Variants in EPM2A observed in about 807,000 individuals in gnomAD.
The protein encoded by EPM2A is EPM2A glucan phosphatase, laforin, also known as laforin.
In EPM2A, 21 loss-of-function variants were observed where a neutral mutation model predicts 26.5. That is an observed-to-expected ratio of 0.79 (90% CI 0.56 to 1.14). The LOEUF (loss-of-function observed/expected upper bound fraction) is 1.14. EPM2A is among the 50% of genes most tolerant of loss of function. The pLI is 0.00. For missense variants in EPM2A, 458 were observed against 440.8 expected, an observed-to-expected ratio of 1.04 and a Z score of -0.35; for synonymous variants, 217 against 177.6, an observed-to-expected ratio of 1.22 and a Z score of -1.76.
intron 2 of EPM2A, among the ~76,000 whole-genome samples, chr6:145,511,914 T>C (rs1247362798): frequency 1.3e-5 from 2 of 152,070 alleles, no homozygotes; most frequent in African/African-American, 4.8e-5. Context: ...TTCAGTAAAG[T>C]CTCAAGATAC....
intron 2 of EPM2A, among the ~76,000 whole-genome samples, chr6:145,651,283 T>C (rs1429750997): frequency 6.6e-6 from 1 of 152,220 alleles, no homozygotes; most frequent in Non-Finnish European, 1.5e-5. Context: ...AAGTAAGGAA[T>C]TCTACATCAG....
intron 4 of EPM2A, among the ~76,000 whole-genome samples, chr6:145,479,217 A>C (rs1373256313): frequency 6.7e-6 from 1 of 148,398 alleles, no homozygotes; most frequent in Non-Finnish European, 1.5e-5. Flanking sequence ...AAATTTTTTT[A>C]TTTTAGTAAA....
At chr6:145,388,483 T>G (rs1378266063) in intron 4 of EPM2A, among the ~76,000 whole-genome samples, 2 of 152,174 alleles carry the variant, frequency 1.3e-5, no homozygotes, top group Non-Finnish European at 2.9e-5. Flanking sequence ...CCCAGACCAA[T>G]TTCTTTTTTT....
chr6:145,412,583 T>C (rs1001900172), intron 4 of EPM2A, among the ~76,000 whole-genome samples: 2 of 152,206 alleles, frequency 1.3e-5, no homozygotes, highest in African/African-American at 4.8e-5. Flanking sequence ...AAATCAATTA[T>C]ATACTCATGC....
intron 4 of EPM2A, among the ~76,000 whole-genome samples, chr6:145,461,399 G>A (rs1779327589): frequency 6.6e-6 from 1 of 152,136 alleles, no homozygotes. Context: ...AAAATGCAAT[G>A]CCACAGTTTG....
downstream of EPM2A, among the ~76,000 whole-genome samples, chr6:145,501,408 T>G (rs1779887981): frequency 6.6e-6 from 1 of 152,226 alleles, no homozygotes; most frequent in African/African-American, 2.4e-5. Flanking sequence ...TTTCTTACTC[T>G]TGTCCTTTTG....
intron 2 of EPM2A, among the ~76,000 whole-genome samples, chr6:145,660,717 G>A (rs1192693561): frequency 3.3e-5 from 5 of 152,110 alleles, no homozygotes; most frequent in East Asian, 1.9e-4. Flanking sequence ...CAGGAGAATC[G>A]CTTGAACCCA....
At chr6:145,467,407 A>G (rs970964433) in intron 4 of EPM2A, among the ~76,000 whole-genome samples, 4 of 152,096 alleles carry the variant, frequency 2.6e-5, no homozygotes, top group East Asian at 1.9e-4. Flanking sequence ...AAATTTTCCT[A>G]TGTAGCTGGA....
rs137957018 is a variant in EPM2A, at chr6:145,578,948, C to T, written c.340+56297G>A. Among the ~76,000 whole-genome samples the T allele has an allele frequency of 7.6e-3, 1,145 of 150,844 alleles. 17 individuals are homozygous for T. Among genetic ancestry groups the T allele is most frequent in the African/African-American group, 0.026 (1,085 of 41,022 alleles). On this transcript the variant is annotated intron_variant, in intron 2 of 3. Coordinates refer to the EPM2A transcript ENST00000450221. ...TTCTCACTCATAGGTGGGAATTGAA[C>T]AATGAGAACATATGGACACAGGAAG...
intron 4 of EPM2A, chr6:145,490,800 C>T (rs987662947): frequency 5.2e-6 from 3 of 582,262 alleles, no homozygotes; most frequent in Admixed American, 2.0e-5. Flanking sequence ...ATACTTTCTA[C>T]CTGTATGCTT....
At position 145,635,297 on chromosome 6, in the gene EPM2A, C is replaced by T. The variant is rs762189100; in HGVS notation, c.666G>A (p.Arg222=). The T allele has an allele frequency of 2.4e-5, 39 of 1,614,008 alleles. No homozygotes were observed. The highest frequency in any genetic ancestry group is 3.1e-5 in the Non-Finnish European group (37 of 1,180,020). ...MTPDTMIKLY[R]EEGLAYIWMP... ...TCCAGATGTAGGCCAAGCCTTCTTC[C>T]CTATATAGTTTAATCATAGTGTCTG... The change falls in exon 3 of 4, where the codon AGG becomes AGA. Residue 222 remains arginine (R), a synonymous_variant. Coordinates refer to ENST00000367519, the MANE Select transcript of EPM2A (RefSeq NM_005670.4).
intron 4 of EPM2A, among the ~76,000 whole-genome samples, chr6:145,476,770 C>A (rs1437971551): frequency 6.6e-6 from 1 of 151,858 alleles, no homozygotes; most frequent in African/African-American, 2.4e-5. Flanking sequence ...GAAGACACAA[C>A]ATATCAAAAC....
At chr6:145,588,552 AAAATCACAT>A (rs1238141307) in intron 2 of EPM2A, among the ~76,000 whole-genome samples, 1 of 152,230 alleles carries the variant, frequency 6.6e-6, no homozygotes, top group Non-Finnish European at 1.5e-5. Context: ...AAGTTTAGAA[AAAATCACAT>A]TAATCAGCAC....
chr6:145,467,541 C>T (rs147822672), intron 4 of EPM2A, among the ~76,000 whole-genome samples: 9 of 152,132 alleles, frequency 5.9e-5, no homozygotes, highest in African/African-American at 1.2e-4. Flanking sequence ...TGAGCAAATG[C>T]CACTTTTTGA....
chr6:145,421,453 G>C (rs1034338951), intron 4 of EPM2A, among the ~76,000 whole-genome samples: 18 of 151,914 alleles, frequency 1.2e-4, no homozygotes, highest in Non-Finnish European at 1.8e-4. Flanking sequence ...TTATGTATTT[G>C]TATACCTTTG....
intron 2 of EPM2A, among the ~76,000 whole-genome samples, chr6:145,589,366 T>G (rs1218477041): frequency 6.6e-6 from 1 of 152,108 alleles, no homozygotes; most frequent in African/African-American, 2.4e-5. Context: ...TGAGTATCAT[T>G]GCTGGGGAAT....
At position 145,625,618 on chromosome 6, in the gene EPM2A, T is replaced by C. The variant is rs1775749715; in HGVS notation, c.*1798A>G. ...AAATGAGTTACCTGAATACCAATTATTACCTCTAGTTATTTTTAGCAAGGG... is the reference window on the plus strand; with the variant it reads ...AAATGAGTTACCTGAATACCAATTACTACCTCTAGTTATTTTTAGCAAGGG... On this transcript the variant is annotated 3_prime_UTR_variant, in exon 4 of 4. Coordinates refer to ENST00000367519, the MANE Select transcript of EPM2A (RefSeq NM_005670.4). The C allele has an allele frequency of 4.2e-6, 3 of 718,134 alleles. No homozygotes were observed. Among genetic ancestry groups the C allele is most frequent in the Admixed American group, 2.0e-5 (1 of 50,026 alleles). 44.5% of individuals were successfully genotyped at this position (718,134 alleles called of 1,614,324 possible). A position where few individuals can be genotyped will look rare whatever the true frequency, so the allele number is the denominator to read the frequency against.
intron 2 of EPM2A, among the ~76,000 whole-genome samples, chr6:145,656,142 A>C (rs1278041449): frequency 6.6e-6 from 1 of 152,242 alleles, no homozygotes; most frequent in Non-Finnish European, 1.5e-5. Flanking sequence ...GAGAAGCCTC[A>C]AGGGGGCTGA....
chr6:145,606,483 A>G (rs1433880231), intron 2 of EPM2A, among the ~76,000 whole-genome samples: 1 of 152,042 alleles, frequency 6.6e-6, no homozygotes, highest in Non-Finnish European at 1.5e-5. Context: ...TAAATACTGT[A>G]TTAAACTTTT....
Sources: allele counts gnomAD v4.1 joint callset (sites outside exome capture counted in the v4.1 genomes callset), GRCh38; gene constraint gnomAD v4.1.1; transcripts MANE v1.5; gene names NCBI Gene and HGNC (gene_info 2026-07-23, HGNC 2026-07-21).